The following ENTPD7 variants were observed in gnomAD, a reference collection of about 807,000 sequenced individuals.
ENTPD7 encodes the protein ectonucleoside triphosphate diphosphohydrolase 7.
Under a neutral mutation model 77.9 loss-of-function variants are expected in ENTPD7, and 53 were observed. The observed-to-expected ratio is 0.68, with a 90% CI of 0.55 to 0.85. The LOEUF (loss-of-function observed/expected upper bound fraction) is 0.85. Among genes scored for constraint, ENTPD7 ranks in the 40% least tolerant of loss-of-function variants. The pLI is 0.00. For synonymous variants in ENTPD7, 248 were observed against 274.9 expected (o/e 0.90, Z 0.97); for missense variants, 636 against 743.7 (o/e 0.86, Z 1.68).
In ENTPD7 at chr10:99,666,944, G is replaced by C. The variant is rs79286351; in HGVS notation, c.191+5316G>C. On this transcript the variant is annotated intron_variant, in intron 3 of 12. Transcript: ENST00000370489. ...GTTGTACCATTGTAAGTCAATGACT[G>C]TACCTCAATAGAGAGATGGTTGTGG... 6.5e-3 allele frequency among the ~76,000 whole-genome samples: 990 copies of C among 152,324 alleles called. 16 individuals are homozygous for C. Among genetic ancestry groups the C allele is most frequent in the African/African-American group, 0.021 (883 of 41,574 alleles).
At position 99,705,539 on chromosome 10, in the gene ENTPD7, T is replaced by A. The variant is rs1335418909; in HGVS notation, c.*856T>A. Reference sequence around the variant, plus strand: ...GGTCACTGTTCCCTGGGCCTGTTTTTGTGAGCCCTTACACAGGAAGATATA... The same window carrying A: ...GGTCACTGTTCCCTGGGCCTGTTTTAGTGAGCCCTTACACAGGAAGATATA... On this transcript the variant is annotated 3_prime_UTR_variant, in exon 13 of 13. Coordinates refer to ENST00000370489, the MANE Select transcript of ENTPD7 (RefSeq NM_020354.5). 1 of 152,204 alleles carries A rather than the reference T, an allele frequency of 6.6e-6. No individual in the cohort carries two copies. The highest frequency in any genetic ancestry group is 2.4e-5 in the African/African-American group (1 of 41,434). 9.4% of individuals were successfully genotyped at this position (152,204 alleles called of 1,614,324 possible).
chr10:99,702,887 G>A (rs2036170705), intron 12 of ENTPD7, among the ~76,000 whole-genome samples: 1 of 152,148 alleles, frequency 6.6e-6, no homozygotes, highest in Non-Finnish European at 1.5e-5. Flanking sequence ...AGCATTACTG[G>A]TCTGGAGTCT....
chr10:99,687,266 T>TTTTTTTTC (rs2035827033), intron 6 of ENTPD7, among the ~76,000 whole-genome samples: 1 of 97,968 alleles, frequency 1.0e-5, no homozygotes, highest in Non-Finnish European at 2.1e-5. Flanking sequence ...TTTCTTTTTT[T>TTTTTTTTC]TTTTTTTTTT....
intron 8 of ENTPD7, among the ~76,000 whole-genome samples, chr10:99,692,194 C>G (rs1048210809): frequency 1.3e-5 from 2 of 152,232 alleles, no homozygotes; most frequent in African/African-American, 2.4e-5. Flanking sequence ...TTAACTTGAT[C>G]TAAACCAGGG....
intron 5 of ENTPD7, among the ~76,000 whole-genome samples, chr10:99,684,124 C>T (rs777847053): frequency 6.6e-6 from 1 of 152,112 alleles, no homozygotes; most frequent in Non-Finnish European, 1.5e-5. Flanking sequence ...GGCATGATCT[C>T]GGCTCACTGC....
intron 2 of ENTPD7, chr10:99,660,173 G>C: frequency 1.8e-6 from 1 of 558,990 alleles, no homozygotes; most frequent in Non-Finnish European, 2.3e-6. Flanking sequence ...AGGAGTGGTA[G>C]AGTGAGTCGG....
Position 99,708,655 on chromosome 10 carries a change from C to T in ENTPD7, c.*3972C>T, listed in dbSNP as rs1288624865. The T allele has an allele frequency of 1.3e-5, 3 of 238,094 alleles. No individual in the cohort carries two copies. The highest frequency in any genetic ancestry group is 2.0e-5 in the Non-Finnish European group (3 of 146,708). 14.7% of individuals were successfully genotyped at this position (238,094 alleles called of 1,614,324 possible). ...GCCCAAAAGAGCCTCCTATTTTATC[C>T]ATAACCCCTGATGATAAGGTTGGTG... On this transcript the variant is annotated 3_prime_UTR_variant, in exon 13 of 13. Transcript: ENST00000370489.
At chr10:99,701,136 G>C in intron 11 of ENTPD7, 78 bp downstream of exon 11, 4 of 1,237,812 alleles carry the variant, frequency 3.2e-6, no homozygotes, top group Non-Finnish European at 4.7e-6. Flanking sequence ...GAGCAATAAT[G>C]CAGATTAGAT....
intron 12 of ENTPD7, 61 bp downstream of exon 12, chr10:99,702,734 A>G: frequency 6.9e-7 from 1 of 1,454,960 alleles, no homozygotes; most frequent in Non-Finnish European, 9.1e-7. Context: ...GATGCCTCAG[A>G]ATCGGTTTCT....
At chr10:99,700,799 C>T (rs879236743) in intron 10 of ENTPD7, 174 bp from the exon 11 acceptor site, 25 of 657,920 alleles carry the variant, frequency 3.8e-5, no homozygotes, top group African/African-American at 5.4e-5. Context: ...CATGGGATGA[C>T]GGGAATAAAC....
Position 99,663,700 on chromosome 10 carries a change from A to G in ENTPD7, c.191+2072A>G, listed in dbSNP as rs74413592. ...GGTCTCAAACTGCTGAGCTCAACCT[A>G]TCCTCCTGCCTCGGCCTCCCAAAGT... On this transcript the variant is annotated intron_variant, in intron 3 of 12. Transcript: ENST00000370489. Among the ~76,000 whole-genome samples, 498 of 152,270 alleles carry G rather than the reference A, an allele frequency of 3.3e-3. 3 individuals are homozygous for G. Among genetic ancestry groups the G allele is most frequent in the African/African-American group, 0.011 (476 of 41,566 alleles).
intron 3 of ENTPD7, among the ~76,000 whole-genome samples, chr10:99,673,461 G>A (rs544651162): frequency 6.6e-6 from 1 of 152,212 alleles, no homozygotes; most frequent in African/African-American, 2.4e-5. Context: ...CAGAGTTCCA[G>A]GAAAAGGTAA....
intron 3 of ENTPD7, among the ~76,000 whole-genome samples, chr10:99,668,525 T>C (rs2035579728): frequency 6.6e-6 from 1 of 152,166 alleles, no homozygotes; most frequent in Non-Finnish European, 1.5e-5. Context: ...AAAGTGAGAA[T>C]AAAAATAGCT....
chr10:99,701,945 G>A (rs1364400887), intron 11 of ENTPD7, among the ~76,000 whole-genome samples: 2 of 151,998 alleles, frequency 1.3e-5, no homozygotes, highest in Admixed American at 1.3e-4. Flanking sequence ...CTACTCGGGA[G>A]GCTGAGGCAG....
Position 99,661,557 on chromosome 10 carries a change from C to T in ENTPD7, c.120C>T (p.Leu40=), listed in dbSNP as rs776746881. 9.3e-6 allele frequency: 15 copies of T among 1,613,686 alleles called. No individual in the cohort carries two copies. Among genetic ancestry groups the T allele is most frequent in the African/African-American group, 4.0e-5 (3 of 74,884 alleles). ...TGGGACTCTTCTTCATATCCTGTCT[C>T]CTTTTACTTATGTTAATCATAGACT... The part of the protein sequence containing the change: ...AFLGLFFISC[L]LLLMLIIDFR... The change falls in exon 3 of 13, where the codon CTC becomes CTT. Residue 40 remains leucine, a synonymous_variant. Coordinates refer to ENST00000370489, the MANE Select transcript of ENTPD7 (RefSeq NM_020354.5).
chr10:99,698,732 A>T lies in ENTPD7; in HGVS notation c.1209A>T (p.Ile403=). ...SNTSQASLNG[I]YQSPIDFNNS... ...CCAGCCAGGCCTCACTCAATGGCAT[A>T]TATCAATCGCCTATTGACTTCAACA... is the stretch of plus-strand genomic sequence containing the variant. Residue 403 remains isoleucine, a synonymous_variant, in exon 10 of 13, where the codon ATA becomes ATT. Coordinates refer to ENST00000370489, the MANE Select transcript of ENTPD7 (RefSeq NM_020354.5). 1 of 1,614,210 alleles carries T rather than the reference A, an allele frequency of 6.2e-7. No individual in the cohort carries two copies. Among genetic ancestry groups the T allele is most frequent in the Non-Finnish European group, 8.5e-7 (1 of 1,180,050 alleles).
intron 3 of ENTPD7, among the ~76,000 whole-genome samples, chr10:99,672,730 T>C (rs2035631955): frequency 6.6e-6 from 1 of 152,224 alleles, no homozygotes. Context: ...TATGTATTAC[T>C]ATCATCAGTC....
In ENTPD7 at chr10:99,679,443, CA is replaced by C. The variant is rs1355384055; in HGVS notation, c.375del (p.Val126TrpfsTer27). ...IKQMRDRNSQ[P>X]VVKKIKPGIS... ...CAGATGAGAGACCGCAACAGCCAAC[CA>C]GTGGTTAAAAAAATCAAGCCAGGTA... On this transcript the variant is annotated frameshift_variant, in exon 4 of 13. Transcript: ENST00000370489. LOFTEE classifies it high-confidence loss of function. The C allele has an allele frequency of 2.5e-6, 4 of 1,612,848 alleles. No individual in the cohort carries two copies. Among genetic ancestry groups the C allele is most frequent in the Non-Finnish European group, 3.4e-6 (4 of 1,179,642 alleles).
Position 99,659,928 on chromosome 10 carries a change from A to T in ENTPD7, c.-29A>T. 1.2e-6 allele frequency: 2 copies of T among 1,614,026 alleles called. No homozygotes were observed. Among genetic ancestry groups the T allele is most frequent in the Non-Finnish European group, 8.5e-7 (1 of 1,179,966 alleles). ...CTCAGGGCAAAAGAAAAAGAAGGTG[A>T]CAGGCGTTGAGACCACCGAAGGGAA... is the stretch of plus-strand genomic sequence containing the variant. On this transcript the variant is annotated 5_prime_UTR_variant, in exon 2 of 13. The change abolishes the stop of an existing upstream ORF in the 5' untranslated region. Coordinates refer to ENST00000370489, the MANE Select transcript of ENTPD7 (RefSeq NM_020354.5). The surrounding 1 kb of genome is among the most constrained non-coding windows in gnomAD (Gnocchi z 4.1).
Sources: gnomAD v4.1 joint callset for allele counts (sites outside exome capture counted in the v4.1 genomes callset) on GRCh38, gnomAD v4.1.1 for gene constraint, Gnocchi (gnomAD v3.1) non-coding constraint, MANE v1.5 for transcripts, NCBI Gene and HGNC (gene_info 2026-07-23, HGNC 2026-07-21) for gene names.